The following FOXP2 variants were observed in gnomAD, a reference collection of about 807,000 sequenced individuals.
FOXP2 encodes the protein forkhead box P2, also known as forkhead box protein P2.
A neutral mutation model predicts 115.8 loss-of-function variants in FOXP2; 12 were observed. The observed-to-expected ratio is 0.10, with a 90% confidence interval of 0.07 to 0.17. The LOEUF is 0.17. Ranked by LOEUF, FOXP2 falls within the 10% of genes least tolerant of loss-of-function variation. The pLI is 1.00. For synonymous variants in FOXP2, 328 were observed against 297.7 expected, an observed-to-expected ratio of 1.10 and a Z score of -1.05; for missense variants, 629 against 843.5, an observed-to-expected ratio of 0.75 and a Z score of 3.15.
At chr7:114,473,495 A>C (rs929831043) in intron 2 of FOXP2, among the ~76,000 whole-genome samples, 1 of 152,204 alleles carries the variant, frequency 6.6e-6, no homozygotes, top group Non-Finnish European at 1.5e-5. Flanking sequence ...GTAGATTCAA[A>C]GATCTAGTTT....
intron 1 of FOXP2, among the ~76,000 whole-genome samples, chr7:114,092,669 T>A (rs571594116): frequency 6.6e-6 from 1 of 152,206 alleles, no homozygotes; most frequent in South Asian, 2.1e-4. Context: ...TATCTTACCA[T>A]CTTAACATAT....
At chr7:114,277,368 C>T (rs1796214639) in intron 1 of FOXP2, among the ~76,000 whole-genome samples, 1 of 152,030 alleles carries the variant, frequency 6.6e-6, no homozygotes. Flanking sequence ...TTTGGAATTG[C>T]CCACCGTCGT....
chr7:114,144,633 A>G (rs1792316215), intron 1 of FOXP2, among the ~76,000 whole-genome samples: 1 of 152,098 alleles, frequency 6.6e-6, no homozygotes, highest in Non-Finnish European at 1.5e-5. Flanking sequence ...TTAAATTATG[A>G]TATATTATGT....
chr7:114,683,103 C>T (rs1413695335), intron 16 of FOXP2, among the ~76,000 whole-genome samples: 2 of 152,110 alleles, frequency 1.3e-5, no homozygotes, highest in Non-Finnish European at 2.9e-5. Context: ...ACAGCTTTTC[C>T]AGCTCTGATA....
intron 2 of FOXP2, among the ~76,000 whole-genome samples, chr7:114,314,159 T>C (rs919681558): frequency 3.0e-4 from 46 of 151,756 alleles, no homozygotes; most frequent in Non-Finnish European, 6.3e-4. Context: ...ATTTTTTTCT[T>C]GCTATGGAAT....
At chr7:114,528,350 A>G (rs1798972614) in intron 2 of FOXP2, among the ~76,000 whole-genome samples, 1 of 152,064 alleles carries the variant, frequency 6.6e-6, no homozygotes, top group Non-Finnish European at 1.5e-5. Context: ...GAACTCCTGA[A>G]GCATTTTTAA....
At chr7:114,258,667 T>C (rs547677253) in intron 1 of FOXP2, among the ~76,000 whole-genome samples, 106 of 152,354 alleles carry the variant, frequency 7.0e-4, no homozygotes, top group African/African-American at 2.5e-3. Context: ...ACCAGACTTA[T>C]AGCAATGCTT....
At position 114,501,650 on chromosome 7, in the gene FOXP2, T is replaced by C. The variant is rs188777867; in HGVS notation, c.169-32967T>C. On this transcript the variant is annotated intron_variant, in intron 2 of 16. Coordinates refer to ENST00000350908, the MANE Select transcript of FOXP2 (RefSeq NM_014491.4). ...ACTTGAAAGACATTTTCTTTTCAAATAGAAAGAAAATATATCCAGTTACAT... is the reference window on the plus strand; with the variant it reads ...ACTTGAAAGACATTTTCTTTTCAAACAGAAAGAAAATATATCCAGTTACAT... 2.4e-4 allele frequency among the ~76,000 whole-genome samples: 36 copies of C among 152,218 alleles called. No individual in the cohort carries two copies. The East Asian group carries it at 6.0e-3, about 25-fold the overall frequency.
At chr7:114,596,008 A>G (rs1157666265) in intron 3 of FOXP2, among the ~76,000 whole-genome samples, 1 of 152,058 alleles carries the variant, frequency 6.6e-6, no homozygotes, top group African/African-American at 2.4e-5. Context: ...GAAATATTTC[A>G]ACTTCTTTTT....
intron 3 of FOXP2, among the ~76,000 whole-genome samples, chr7:114,547,547 G>A (rs1799988958): frequency 6.6e-6 from 1 of 152,120 alleles, no homozygotes; most frequent in African/African-American, 2.4e-5. Flanking sequence ...CACGAGGTCA[G>A]GAGATCAAGA....
intron 1 of FOXP2, among the ~76,000 whole-genome samples, chr7:114,119,574 G>A (rs1348028722): frequency 6.6e-6 from 1 of 151,892 alleles, no homozygotes; most frequent in Non-Finnish European, 1.5e-5. Context: ...ATTTGGGCAA[G>A]GTAGTATGTA....
intron 11 of FOXP2, among the ~76,000 whole-genome samples, chr7:114,659,083 T>C (rs1806740012): frequency 6.6e-6 from 1 of 152,086 alleles, no homozygotes; most frequent in African/African-American, 2.4e-5. Context: ...AACTACCCAC[T>C]TTAAAGAAGA....
At chr7:114,464,456 G>A (rs1311079796) in intron 2 of FOXP2, among the ~76,000 whole-genome samples, 1 of 152,184 alleles carries the variant, frequency 6.6e-6, no homozygotes, top group Non-Finnish European at 1.5e-5. Context: ...ACGTGTTGTA[G>A]GTTGTCTGTA....
intron 1 of FOXP2, among the ~76,000 whole-genome samples, chr7:114,253,840 G>T (rs1795521781): frequency 6.6e-6 from 1 of 152,192 alleles, no homozygotes. Context: ...TCATTATGAT[G>T]TTAGCTGGTT....
At chr7:114,166,030 A>C (rs560375934) in intron 1 of FOXP2, among the ~76,000 whole-genome samples, 2 of 152,314 alleles carry the variant, frequency 1.3e-5, no homozygotes, top group Non-Finnish European at 2.9e-5. Context: ...TTTTCAACAA[A>C]TAGTGCTTAA....
chr7:114,170,621 T>C (rs187275037), intron 1 of FOXP2, among the ~76,000 whole-genome samples: 25 of 152,304 alleles, frequency 1.6e-4, no homozygotes, highest in Admixed American at 1.4e-3. Flanking sequence ...AGGCTTACTG[T>C]TGATATGAAG....
At position 114,526,991 on chromosome 7, in the gene FOXP2, A is replaced by G. The variant is rs368230976; in HGVS notation, c.169-7626A>G. 4.0e-4 allele frequency among the ~76,000 whole-genome samples: 52 copies of G among 128,836 alleles called. 1 individual carries two copies. Among genetic ancestry groups the G allele is most frequent in the African/African-American group, 1.5e-3 (50 of 34,482 alleles). The allele number at this position is 128,836 out of a possible 152,430, so 84.5% of individuals were successfully genotyped here. ...TCTGGGCCCTTGTAACCACTAATCTATTTTTTTTTTTTTTTTTGTCTCTTT... is the reference window on the plus strand; with the variant it reads ...TCTGGGCCCTTGTAACCACTAATCTGTTTTTTTTTTTTTTTTTGTCTCTTT... On this transcript the variant is annotated intron_variant, in intron 2 of 16. Coordinates refer to ENST00000350908, the MANE Select transcript of FOXP2 (RefSeq NM_014491.4).
intron 2 of FOXP2, among the ~76,000 whole-genome samples, chr7:114,431,133 T>C (rs1400682634): frequency 6.6e-6 from 1 of 151,950 alleles, no homozygotes; most frequent in Non-Finnish European, 1.5e-5. Flanking sequence ...TGAAAGCATT[T>C]ACTGAAGAAA....
At chr7:114,425,352 A>G (rs1276075193) in intron 1 of FOXP2, among the ~76,000 whole-genome samples, 3 of 151,608 alleles carry the variant, frequency 2.0e-5, no homozygotes, top group Non-Finnish European at 3.0e-5. Context: ...AATTCTGTCC[A>G]TAGAAGTAAA....
Sources: allele counts gnomAD v4.1 joint callset (sites outside exome capture counted in the v4.1 genomes callset), GRCh38; gene constraint gnomAD v4.1.1; transcripts MANE v1.5; gene names NCBI Gene and HGNC (gene_info 2026-07-23, HGNC 2026-07-21).